PDZRN3: variants seen among roughly 807,000 people sequenced by gnomAD.
PDZRN3 encodes E3 ubiquitin-protein ligase PDZRN3.
Under a neutral mutation model 85.7 loss-of-function variants are expected in PDZRN3, and 38 were observed. The ratio of observed to expected loss-of-function variants is 0.44; its 90% CI spans 0.34 to 0.58. The LOEUF (loss-of-function observed/expected upper bound fraction) is 0.58, where lower values mean the gene tolerates loss of function less well. Among genes scored for constraint, PDZRN3 ranks in the 20% least tolerant of loss-of-function variants. PDZRN3 has a pLI of 0.01. For missense variants in PDZRN3, 1,629 were observed against 1,506.4 expected, an observed-to-expected ratio of 1.08 and a Z score of -1.35; for synonymous variants, 759 against 638.0, an observed-to-expected ratio of 1.19 and a Z score of -2.86.
At chr3:73,537,493 A>G (rs1335794330) in intron 3 of PDZRN3, among the ~76,000 whole-genome samples, 1 of 152,218 alleles carries the variant, frequency 6.6e-6, no homozygotes, top group Non-Finnish European at 1.5e-5. Flanking sequence ...AAATGTGTTG[A>G]TATTTGGCAT....
chr3:73,412,561 C>T (rs1456114662), intron 3 of PDZRN3, among the ~76,000 whole-genome samples: 3 of 152,196 alleles, frequency 2.0e-5, no homozygotes, highest in African/African-American at 7.2e-5. Flanking sequence ...AGTTCTACGT[C>T]TGATGAGGGC....
intron 3 of PDZRN3, among the ~76,000 whole-genome samples, chr3:73,568,326 T>A (rs936899221): frequency 6.6e-5 from 10 of 152,146 alleles, no homozygotes; most frequent in Admixed American, 6.5e-5. Context: ...GCCTTTATTA[T>A]AAATCTTCCC....
At chr3:73,460,174 C>G (rs1219224335) in intron 3 of PDZRN3, among the ~76,000 whole-genome samples, 1 of 152,014 alleles carries the variant, frequency 6.6e-6, no homozygotes, top group East Asian at 1.9e-4. Context: ...TTCTAAGCAA[C>G]TAAAAGTTTG....
intron 1 of PDZRN3, among the ~76,000 whole-genome samples, chr3:73,608,947 GA>G (rs1702643862): frequency 6.6e-6 from 1 of 152,140 alleles, no homozygotes; most frequent in African/African-American, 2.4e-5. Context: ...CATGCCCAAT[GA>G]ACATTTTCTA....
In PDZRN3 at chr3:73,400,971, T is replaced by C. The variant is rs1701736659; in HGVS notation, c.1205A>G (p.Tyr402Cys). 2 of 1,613,564 alleles carry C rather than the reference T, an allele frequency of 1.2e-6. No homozygotes were observed. The highest frequency in any genetic ancestry group is 1.3e-5 in the African/African-American group (1 of 74,940). ...SAHEYYDPND[Y>C]IGDIHQEMDR... ...CATCTCCTGATGGATGTCTCCAATG[T>C]AGTCATTTGGATCGTAGTATTCATG... The change falls in exon 5 of 10, where the codon TAC (tyrosine) becomes TGC (cysteine). Residue 402 changes from tyrosine to cysteine, a missense_variant. Tyr to Cys is a radical substitution (Grantham distance 194). Transcript: ENST00000263666.
intron 3 of PDZRN3, among the ~76,000 whole-genome samples, chr3:73,422,176 C>A (rs1207661152): frequency 6.6e-6 from 1 of 152,224 alleles, no homozygotes; most frequent in Non-Finnish European, 1.5e-5. Flanking sequence ...TCCTCCAGAA[C>A]ACTAGAGGGA....
At chr3:73,408,007 T>A in intron 3 of PDZRN3, 1 of 609,650 alleles carries the variant, frequency 1.6e-6, no homozygotes, top group Non-Finnish European at 2.9e-6. Context: ...CACAAGAATG[T>A]CCCCCCTGCC....
chr3:73,596,053 C>A (rs184903532), intron 3 of PDZRN3, among the ~76,000 whole-genome samples: 1 of 152,134 alleles, frequency 6.6e-6, no homozygotes, highest in African/African-American at 2.4e-5. Context: ...GGAGCAAGGA[C>A]AGAAGATTAA....
At chr3:73,486,497 C>T (rs2106647109) in intron 3 of PDZRN3, among the ~76,000 whole-genome samples, 1 of 152,200 alleles carries the variant, frequency 6.6e-6, no homozygotes, top group Middle Eastern at 3.4e-3. Flanking sequence ...TGCATTTGTT[C>T]AATGGTTACA....
chr3:73,408,698 G>C (rs1701905433), intron 3 of PDZRN3, among the ~76,000 whole-genome samples: 1 of 152,080 alleles, frequency 6.6e-6, no homozygotes, highest in Admixed American at 6.6e-5. Context: ...GATGAGACAA[G>C]GCGGGAGTTT....
chr3:73,472,369 C>T (rs1158191027), intron 3 of PDZRN3, among the ~76,000 whole-genome samples: 1 of 152,216 alleles, frequency 6.6e-6, no homozygotes, highest in Non-Finnish European at 1.5e-5. Flanking sequence ...ACTGACCATT[C>T]TGTGGCAAGA....
At chr3:73,465,837 G>A (rs1372499379) in intron 3 of PDZRN3, among the ~76,000 whole-genome samples, 1 of 152,092 alleles carries the variant, frequency 6.6e-6, no homozygotes, top group Non-Finnish European at 1.5e-5. Flanking sequence ...GTCACTAGGT[G>A]GATTCATTTA....
chr3:73,458,869 G>T (rs1401699751), intron 3 of PDZRN3, among the ~76,000 whole-genome samples: 2 of 151,780 alleles, frequency 1.3e-5, no homozygotes, highest in Non-Finnish European at 2.9e-5. Flanking sequence ...GCACACGCCT[G>T]TAGCCCCAGC....
In PDZRN3 at chr3:73,485,538, A is replaced by C. The variant is rs553068940; in HGVS notation, c.919-81143T>G. 6.6e-5 allele frequency among the ~76,000 whole-genome samples: 10 copies of C among 152,268 alleles called. No individual in the cohort carries two copies. The South Asian group carries it at 2.1e-3, about 32-fold the overall frequency. Reference sequence around the variant, plus strand: ...GGCTACTAAAACTTCTGGCAGCTTCAAAGTCAAATACTACAAAGCATTGCA... The same window carrying C: ...GGCTACTAAAACTTCTGGCAGCTTCCAAGTCAAATACTACAAAGCATTGCA... On this transcript the variant is annotated intron_variant, in intron 3 of 9. Transcript: ENST00000263666.
At chr3:73,619,698 G>GT (rs1335125744) in intron 1 of PDZRN3, among the ~76,000 whole-genome samples, 2 of 152,176 alleles carry the variant, frequency 1.3e-5, no homozygotes, top group African/African-American at 4.8e-5. Flanking sequence ...TGAAAGAAGA[G>GT]GATGAAGGGG....
intron 3 of PDZRN3, among the ~76,000 whole-genome samples, chr3:73,568,847 G>A (rs1233092529): frequency 1.3e-5 from 2 of 152,182 alleles, no homozygotes; most frequent in Admixed American, 6.5e-5. Context: ...CATATCCCAA[G>A]GCAACACAGT....
rs536987136 is a variant in PDZRN3, at chr3:73,607,858, T to C, written c.810+740A>G. Among the ~76,000 whole-genome samples, 13 of 152,322 alleles carry C rather than the reference T, an allele frequency of 8.5e-5. No homozygotes were observed. The East Asian group carries it at 2.5e-3, about 29-fold the overall frequency. Reference sequence around the variant, plus strand: ...ACAGCCTATGTTCAATACTTATTTGTTGAATGAAAGATTTTTGTTTTCTTT... The same window carrying C: ...ACAGCCTATGTTCAATACTTATTTGCTGAATGAAAGATTTTTGTTTTCTTT... On this transcript the variant is annotated intron_variant, in intron 2 of 9. Coordinates refer to ENST00000263666, the MANE Select transcript of PDZRN3 (RefSeq NM_015009.3).
At chr3:73,616,852 TG>T (rs1702770431) in intron 1 of PDZRN3, among the ~76,000 whole-genome samples, 1 of 152,230 alleles carries the variant, frequency 6.6e-6, no homozygotes, top group Non-Finnish European at 1.5e-5. Flanking sequence ...AATTAAGGCT[TG>T]AAGGTTAGAA....
At chr3:73,403,715 T>C (rs892486431) in intron 4 of PDZRN3, among the ~76,000 whole-genome samples, 2 of 152,194 alleles carry the variant, frequency 1.3e-5, no homozygotes, top group African/African-American at 4.8e-5. Context: ...GCTTATTACA[T>C]GGATCCAGGC....
Sources: gnomAD v4.1 joint callset for allele counts (sites outside exome capture counted in the v4.1 genomes callset) on GRCh38, gnomAD v4.1.1 for gene constraint, MANE v1.5 for transcripts, NCBI Gene and HGNC (gene_info 2026-07-23, HGNC 2026-07-21) for gene names.